The following FAM120C variants were observed in gnomAD, a reference collection of about 807,000 sequenced individuals.
FAM120C encodes the protein constitutive coactivator of PPAR-gamma-like protein 2.
Under a neutral mutation model 71.2 loss-of-function variants are expected in FAM120C, and 14 were observed. That is an observed-to-expected ratio of 0.20 (90% CI 0.13 to 0.31). The LOEUF is 0.31. Ranked by LOEUF, FAM120C falls within the 10% of genes least tolerant of loss-of-function variation. The pLI is 1.00. For synonymous variants in FAM120C, 354 were observed against 353.2 expected (o/e 1.00, Z -0.03); for missense variants, 500 against 879.0 (o/e 0.57, Z 5.45).
At chrX:54,101,573 T>G (rs1557124157) in intron 10 of FAM120C, among the ~76,000 whole-genome samples, 1 of 112,272 alleles carries the variant, frequency 8.9e-6, no homozygotes, top group East Asian at 2.8e-4. Flanking sequence ...AGCAGTTCAC[T>G]GTAAACAGTT....
rs782446887 is a variant in FAM120C at position 54,160,022 on chromosome X, T to G, written c.700-406A>C. ...CCTGGTTTTTTTTTCACTCCTTTCA[T>G]GAAACTTGCCCTGAGGCTCTTCAAA... On this transcript the variant is annotated intron_variant, in intron 1 of 15. Coordinates refer to ENST00000375180, the MANE Select transcript of FAM120C (RefSeq NM_017848.6). Among the ~76,000 whole-genome samples the G allele has an allele frequency of 2.5e-4, 28 of 111,094 alleles. No individual in the cohort carries two copies. The South Asian group carries it at 3.5e-3, about 14-fold the overall frequency.
intron 4 of FAM120C, among the ~76,000 whole-genome samples, chrX:54,141,757 T>C (rs1457359246): frequency 9.0e-6 from 1 of 111,358 alleles, no homozygotes; most frequent in Non-Finnish European, 1.9e-5. Flanking sequence ...TAAGTGAGTT[T>C]AGAAGAGTCA....
intron 15 of FAM120C, among the ~76,000 whole-genome samples, chrX:54,079,441 CGAGAGAGAGAGA>C (rs201642298): frequency 2.0e-5 from 2 of 100,396 alleles, no homozygotes; most frequent in African/African-American, 7.3e-5. Flanking sequence ...GAGACCCTGT[CGAGAGAGAGAGA>C]GAGAGAGAGA....
intron 11 of FAM120C, among the ~76,000 whole-genome samples, chrX:54,090,097 G>A (rs782216731): frequency 1.2e-4 from 13 of 111,276 alleles, no homozygotes; most frequent in Admixed American, 3.9e-4. Flanking sequence ...TGTTGTAGAT[G>A]GAACCTAGTA....
chrX:54,084,851 T>A (rs1557121756), intron 13 of FAM120C, among the ~76,000 whole-genome samples: 1 of 112,118 alleles, frequency 8.9e-6, no homozygotes, highest in Non-Finnish European at 1.9e-5. Context: ...TTTATACATA[T>A]GTTTGTGTGT....
Position 54,183,145 on chromosome X carries a change from C to G in FAM120C, c.54G>C (p.Val18=). 1 of 1,152,924 alleles carries G rather than the reference C, an allele frequency of 8.7e-7. No individual in the cohort carries two copies. Among genetic ancestry groups the G allele is most frequent in the Non-Finnish European group, 1.2e-6 (1 of 867,816 alleles). Residue 18 remains valine, a synonymous_variant, in exon 1 of 16, where the codon GTG becomes GTC. Transcript: ENST00000375180. ...CGAGTTTTAGGAGGTCCACGGGCAC[C>G]ACGGCCCCGGGACAGCGCTTCTCCA... ...EFLEKRCPGA[V]VPVDLLKLAR... is the part of the protein sequence containing the mutation.
intron 10 of FAM120C, among the ~76,000 whole-genome samples, chrX:54,109,445 C>G (rs1047915608): frequency 9.7e-6 from 1 of 102,787 alleles, no homozygotes; most frequent in Non-Finnish European, 2.0e-5. Flanking sequence ...CAACATAGAC[C>G]CCATCTCTAC....
At position 54,080,274 on chromosome X, in the gene FAM120C, C is replaced by A; in HGVS notation, c.2994G>T (p.Gln998His). 1.7e-6 allele frequency: 2 copies of A among 1,208,673 alleles called. No individual in the cohort carries two copies. Among genetic ancestry groups the A allele is most frequent in the Non-Finnish European group, 2.2e-6 (2 of 893,434 alleles). The change falls in exon 15 of 16, where the codon CAG (glutamine) becomes CAT (histidine). Residue 998 changes from glutamine (Q) to histidine (H), a missense_variant. Around this residue, in one of 11 missense-constraint regions of FAM120C, gnomAD observed 85 missense variants for 96.1 expected, o/e 0.88. Coordinates refer to ENST00000375180, the MANE Select transcript of FAM120C (RefSeq NM_017848.6). ...GGPGKGHGKE[Q>H]TGRGSKGHKK... is the part of the protein sequence containing the mutation. Reference sequence around the variant, plus strand: ...TGTGTCCCTTGGATCCTCTACCAGTCTGTTCTTTTCCATGCCTTTAGCAAG... The same window carrying A: ...TGTGTCCCTTGGATCCTCTACCAGTATGTTCTTTTCCATGCCTTTAGCAAG...
intron 1 of FAM120C, among the ~76,000 whole-genome samples, chrX:54,171,144 T>C (rs1036900308): frequency 8.9e-6 from 1 of 111,999 alleles, no homozygotes; most frequent in South Asian, 3.7e-4. Flanking sequence ...TGGGTAATCC[T>C]AGCACTTTGG....
At chrX:54,159,186 C>T (rs1009138460) in intron 2 of FAM120C, among the ~76,000 whole-genome samples, 184 bp downstream of exon 2, 9 of 111,824 alleles carry the variant, frequency 8.0e-5, no homozygotes, top group Non-Finnish European at 1.1e-4. Context: ...AACAAACATG[C>T]TGAGTTTTAG....
At chrX:54,144,054 G>C (rs967437982) in intron 4 of FAM120C, among the ~76,000 whole-genome samples, 52 of 111,620 alleles carry the variant, frequency 4.7e-4, no homozygotes, top group African/African-American at 1.5e-3. Flanking sequence ...CAGAAGCAAA[G>C]ACAAAAACCA....
rs7058800 is a variant in FAM120C at position 54,133,122 on chromosome X, C to T, written c.1891-259G>A. Among the ~76,000 whole-genome samples, 521 of 111,651 alleles carry T rather than the reference C, an allele frequency of 4.7e-3. 2 individuals carry two copies. Among genetic ancestry groups the T allele is most frequent in the African/African-American group, 0.016 (486 of 30,765 alleles). ...ATCCCAGCACTTTGAGAGGCTGAGG[C>T]GGGTGGATCACCTGAGGTCAGGAGT... On this transcript the variant is annotated intron_variant, in intron 8 of 15. Coordinates refer to ENST00000375180, the MANE Select transcript of FAM120C (RefSeq NM_017848.6).
Position 54,072,655 on chromosome X carries a change from CATT to C in FAM120C, c.*375_*377del, listed in dbSNP as rs1365796373. 8.0e-6 allele frequency: 1 copy of C among 125,300 alleles called. No homozygotes were observed. The highest frequency in any genetic ancestry group is 3.2e-5 in the African/African-American group (1 of 31,076). 10.3% of individuals were successfully genotyped at this position (125,300 alleles called of 1,213,427 possible). On this transcript the variant is annotated 3_prime_UTR_variant, in exon 16 of 16. Coordinates refer to ENST00000375180, the MANE Select transcript of FAM120C (RefSeq NM_017848.6). ...CATATAAGTCTTTGATAATGAGTAT[CATT>C]ATAAATGCTCAGAAAAACCAAAGCT...
rs782522455 is a variant in FAM120C at position 54,108,930 on chromosome X, C to CA, written c.2312+7614dup. Among the ~76,000 whole-genome samples the CA allele has an allele frequency of 2.0e-3, 90 of 45,223 alleles. 1 individual carries two copies. Among genetic ancestry groups the CA allele is most frequent in the South Asian group, 4.0e-3 (3 of 757 alleles). The allele number at this position is 45,223 out of a possible 115,157, so 39.3% of individuals were successfully genotyped here. A position where few individuals can be genotyped will look rare whatever the true frequency, so the allele number is the denominator to read the frequency against. On this transcript the variant is annotated intron_variant, in intron 10 of 15. Transcript: ENST00000375180. The stretch of plus-strand genomic sequence containing the variant: ...GCCTGGGTGACAGAGACTCTGTCTC[C>CA]AAAAAAAAAAAACACGTAAATACAA...
At chrX:54,101,253 G>C (rs2066880836) in intron 10 of FAM120C, among the ~76,000 whole-genome samples, 2 of 111,491 alleles carry the variant, frequency 1.8e-5, no homozygotes, top group South Asian at 7.6e-4. Context: ...AGCTGGAGGG[G>C]CTGAGATGAG....
At chrX:54,110,744 C>CT (rs1557125556) in intron 10 of FAM120C, among the ~76,000 whole-genome samples, 1 of 109,116 alleles carries the variant, frequency 9.2e-6, no homozygotes, top group African/African-American at 3.3e-5. Context: ...GAGCCTGTCT[C>CT]TAAAAAAAAA....
chrX:54,109,789 C>A (rs2066926094), intron 10 of FAM120C, among the ~76,000 whole-genome samples: 2 of 105,256 alleles, frequency 1.9e-5, no homozygotes, highest in African/African-American at 6.9e-5. Context: ...TGCACTCCAG[C>A]CTGGGTGACA....
chrX:54,116,069 G>T (rs2066966185), intron 10 of FAM120C, among the ~76,000 whole-genome samples: 1 of 110,981 alleles, frequency 9.0e-6, no homozygotes, highest in Admixed American at 9.7e-5. Flanking sequence ...CAACAAGAGT[G>T]AAACTCCATC....
rs1431682361 is a variant in FAM120C, at chrX:54,069,497, A to G, written c.*3536T>C. The G allele has an allele frequency of 9.0e-6, 1 of 111,039 alleles. No homozygotes were observed. The highest frequency in any genetic ancestry group is 1.9e-5 in the Non-Finnish European group (1 of 53,005). The allele number at this position is 111,039 out of a possible 1,213,427, so 9.2% of individuals were successfully genotyped here. A position where few individuals can be genotyped will look rare whatever the true frequency, so the allele number is the denominator to read the frequency against. On this transcript the variant is annotated 3_prime_UTR_variant, in exon 16 of 16. Transcript: ENST00000375180. ...ATGGTAACATTGACATGCCCACAGG[A>G]GCCTTGTAAGGTTCCAAAGGACTGG...
Sources: allele counts gnomAD v4.1 joint callset (sites outside exome capture counted in the v4.1 genomes callset), GRCh38; gene constraint gnomAD v4.1.1; regional missense constraint gnomAD v4.1.1; transcripts MANE v1.5; gene names NCBI Gene and HGNC (gene_info 2026-07-23, HGNC 2026-07-21).